COL25A1: variants seen among roughly 807,000 people sequenced by gnomAD.
COL25A1 encodes collagen alpha-1(XXV) chain.
In COL25A1, 103 loss-of-function variants were observed where a neutral mutation model predicts 128.4. The observed-to-expected ratio is 0.80, with a 90% CI of 0.68 to 0.94. The LOEUF (loss-of-function observed/expected upper bound fraction) is 0.94, where lower values mean the gene tolerates loss of function less well. Among genes scored for constraint, COL25A1 ranks in the 40% least tolerant of loss-of-function variants. The probability of loss-of-function intolerance (pLI) is 0.00; values close to 1 mark genes in which losing one functional copy is unlikely to be tolerated. For missense variants in COL25A1, 745 were observed against 840.0 expected (o/e 0.89, Z 1.40); for synonymous variants, 279 against 277.2 (o/e 1.01, Z -0.06).
intron 3 of COL25A1, among the ~76,000 whole-genome samples, chr4:109,061,254 C>T (rs1761946103): frequency 1.3e-5 from 2 of 152,132 alleles, no homozygotes; most frequent in African/African-American, 4.8e-5. Context: ...GTATTTGGCT[C>T]ATTTTTCTCC....
intron 19 of COL25A1, among the ~76,000 whole-genome samples, chr4:108,883,039 T>A (rs1212037655): frequency 4.6e-5 from 7 of 152,090 alleles, no homozygotes; most frequent in African/African-American, 1.7e-4. Context: ...GAATGTTAAC[T>A]TTATTTATTT....
chr4:109,217,535 T>A (rs561670130), intron 3 of COL25A1, among the ~76,000 whole-genome samples: 1 of 152,042 alleles, frequency 6.6e-6, no homozygotes, highest in African/African-American at 2.4e-5. Context: ...ACACTGAAGC[T>A]TTGAAATGTA....
intron 6 of COL25A1, among the ~76,000 whole-genome samples, chr4:108,993,054 A>C (rs1754379930): frequency 6.6e-6 from 1 of 152,138 alleles, no homozygotes; most frequent in African/African-American, 2.4e-5. Context: ...CTTAACATCC[A>C]ATCTTAGCAT....
At chr4:108,962,236 G>T (rs1015810045) in intron 8 of COL25A1, among the ~76,000 whole-genome samples, 7 of 150,328 alleles carry the variant, frequency 4.7e-5, no homozygotes, top group Admixed American at 1.3e-4. Flanking sequence ...CACCCAGGAT[G>T]GAGTGCAGTG....
At chr4:109,297,409 C>A (rs1159175205) in intron 3 of COL25A1, among the ~76,000 whole-genome samples, 1 of 152,042 alleles carries the variant, frequency 6.6e-6, no homozygotes, top group Non-Finnish European at 1.5e-5. Flanking sequence ...TTTTTAATAT[C>A]CCCATGGTCT....
At chr4:109,196,872 A>C (rs1236535676) in intron 3 of COL25A1, among the ~76,000 whole-genome samples, 1 of 152,242 alleles carries the variant, frequency 6.6e-6, no homozygotes, top group East Asian at 1.9e-4. Flanking sequence ...AGTCTTTAAC[A>C]CAATTATCAA....
At chr4:108,996,833 C>G (rs1754825740) in intron 6 of COL25A1, among the ~76,000 whole-genome samples, 1 of 152,082 alleles carries the variant, frequency 6.6e-6, no homozygotes, top group African/African-American at 2.4e-5. Context: ...CACTCAAAAC[C>G]ACAGAACTAC....
intron 3 of COL25A1, among the ~76,000 whole-genome samples, chr4:109,290,789 G>A (rs1724396821): frequency 6.6e-6 from 1 of 152,022 alleles, no homozygotes; most frequent in Non-Finnish European, 1.5e-5. Context: ...GACTCATAAT[G>A]TTTTAAGAAA....
intron 3 of COL25A1, among the ~76,000 whole-genome samples, chr4:109,060,341 A>C (rs1308257910): frequency 6.6e-6 from 1 of 152,114 alleles, no homozygotes; most frequent in Non-Finnish European, 1.5e-5. Context: ...CAGCCCTCAC[A>C]AGCTTCCCAA....
At chr4:108,978,289 A>T (rs944928050) in intron 6 of COL25A1, among the ~76,000 whole-genome samples, 4 of 152,210 alleles carry the variant, frequency 2.6e-5, no homozygotes, top group Admixed American at 2.6e-4. Flanking sequence ...TCCGGCCCCG[A>T]CTTGTGCACT....
intron 3 of COL25A1, among the ~76,000 whole-genome samples, chr4:109,271,718 A>C (rs1782209689): frequency 6.6e-6 from 1 of 152,190 alleles, no homozygotes; most frequent in Non-Finnish European, 1.5e-5. Context: ...TGAACACCAC[A>C]GTGATTTTTC....
intron 10 of COL25A1, 76 bp from the exon 11 acceptor site, chr4:108,937,919 TTGAC>T (rs1653606853): frequency 4.3e-6 from 5 of 1,150,522 alleles, no homozygotes; most frequent in East Asian, 2.4e-5. Context: ...TTTTTCTTCT[TTGAC>T]TGGGGCATGT....
chr4:109,160,244 GTAAA>G (rs1446865937), intron 3 of COL25A1, among the ~76,000 whole-genome samples: 1 of 152,070 alleles, frequency 6.6e-6, no homozygotes, highest in Non-Finnish European at 1.5e-5. Context: ...ATATCCATGA[GTAAA>G]TAAAGGTCTG....
intron 10 of COL25A1, among the ~76,000 whole-genome samples, chr4:108,938,263 A>G (rs111358995): frequency 7.2e-5 from 11 of 152,330 alleles, no homozygotes; most frequent in Admixed American, 2.0e-4. Context: ...ACACTATATC[A>G]TGACATTATC....
intron 8 of COL25A1, among the ~76,000 whole-genome samples, chr4:108,947,808 T>G (rs938218331): frequency 6.6e-6 from 1 of 152,174 alleles, no homozygotes. Context: ...GGCTGATCAT[T>G]GATCAGCACA....
At chr4:109,013,489 C>CTGTGTAGGCTTTGTTCTTCACAT (rs1248262070) in intron 5 of COL25A1, among the ~76,000 whole-genome samples, 33 of 152,052 alleles carry the variant, frequency 2.2e-4, no homozygotes, top group African/African-American at 7.7e-4. Context: ...CCCTTCCACA[C>CTGTGTAGGCTTTGTTCTTCACAT]TGTGTAGGCT....
chr4:108,842,885 C>G (rs897055396), intron 30 of COL25A1, among the ~76,000 whole-genome samples: 3 of 152,100 alleles, frequency 2.0e-5, no homozygotes, highest in African/African-American at 7.2e-5. Flanking sequence ...TGGCTCACAT[C>G]TGTAATCCTA....
intron 3 of COL25A1, among the ~76,000 whole-genome samples, chr4:109,224,312 T>C (rs1778628320): frequency 2.0e-5 from 3 of 152,144 alleles, no homozygotes; most frequent in Admixed American, 6.5e-5. Context: ...TGCCCACTAA[T>C]ATATGGGTAG....
At chr4:109,210,841 T>TA (rs1291702804) in intron 3 of COL25A1, among the ~76,000 whole-genome samples, 1 of 151,988 alleles carries the variant, frequency 6.6e-6, no homozygotes, top group East Asian at 1.9e-4. Context: ...TACACAGCCA[T>TA]AAAAAAGAAT....
Sources: gnomAD v4.1 joint callset for allele counts (sites outside exome capture counted in the v4.1 genomes callset) on GRCh38, gnomAD v4.1.1 for gene constraint, MANE v1.5 for transcripts, NCBI Gene and HGNC (gene_info 2026-07-23, HGNC 2026-07-21) for gene names.